The following PCDH9 variants were observed in gnomAD, a reference collection of about 807,000 sequenced individuals.
The protein encoded by PCDH9 is protocadherin-9.
A neutral mutation model predicts 70.6 loss-of-function variants in PCDH9; 24 were observed. The observed-to-expected ratio is 0.34, with a 90% CI of 0.25 to 0.48. PCDH9 has a LOEUF of 0.48. Among genes scored for constraint, PCDH9 ranks in the 20% least tolerant of loss-of-function variants. PCDH9 has a pLI of 0.99. For missense variants in PCDH9, 1,281 were observed against 1,503.6 expected (o/e 0.85, Z 2.45); for synonymous variants, 562 against 558.5 (o/e 1.01, Z -0.09).
intron 2 of PCDH9, among the ~76,000 whole-genome samples, chr13:67,074,768 A>T (rs947343177): frequency 6.6e-6 from 1 of 152,168 alleles, no homozygotes; most frequent in Non-Finnish European, 1.5e-5. Context: ...ATAATCTCTA[A>T]CCAAACAAGA....
intron 3 of PCDH9, among the ~76,000 whole-genome samples, chr13:66,770,556 C>A (rs796662332): frequency 3.3e-5 from 5 of 152,252 alleles, no homozygotes; most frequent in African/African-American, 1.2e-4. Flanking sequence ...GGGCCTCCTG[C>A]CCTCCAACTT....
At chr13:66,517,850 G>A (rs1245227854) in intron 4 of PCDH9, among the ~76,000 whole-genome samples, 2 of 151,838 alleles carry the variant, frequency 1.3e-5, no homozygotes, top group African/African-American at 4.8e-5. Context: ...TTTTGAAATT[G>A]GCATTATAGA....
At chr13:66,882,791 T>C (rs1045478451) in intron 3 of PCDH9, among the ~76,000 whole-genome samples, 1 of 152,156 alleles carries the variant, frequency 6.6e-6, no homozygotes, top group African/African-American at 2.4e-5. Flanking sequence ...TTTACAAATA[T>C]ATAAATCTCA....
At chr13:66,607,680 T>C (rs1209653202) in intron 4 of PCDH9, among the ~76,000 whole-genome samples, 1 of 152,136 alleles carries the variant, frequency 6.6e-6, no homozygotes, top group Non-Finnish European at 1.5e-5. Context: ...TTGATTGTAT[T>C]GGTTACAGAA....
intron 2 of PCDH9, among the ~76,000 whole-genome samples, chr13:67,045,849 C>T (rs1227783535): frequency 6.6e-6 from 1 of 151,958 alleles, no homozygotes; most frequent in African/African-American, 2.4e-5. Context: ...ATTTTTGTTC[C>T]TTGATTATTT....
At chr13:66,377,425 G>A (rs765944652) in intron 4 of PCDH9, among the ~76,000 whole-genome samples, 22 of 151,990 alleles carry the variant, frequency 1.4e-4, no homozygotes, top group Non-Finnish European at 2.5e-4. Context: ...TGGTAGGAAT[G>A]TTTTGGGATA....
Position 67,033,035 on chromosome 13 carries a change from G to T in PCDH9, c.3037-129430C>A, listed in dbSNP as rs1273704713. On this transcript the variant is annotated intron_variant, in intron 2 of 4. Transcript: ENST00000377865. ...CATAATTTAAAAAATTAGGTTTGGG[G>T]GAAATACAAGCTGCAGTTACTTCCC... Among the ~76,000 whole-genome samples the T allele has an allele frequency of 2.0e-5, 3 of 151,848 alleles. No individual in the cohort carries two copies. In the East Asian group the frequency reaches 5.8e-4, roughly 29 times the overall value.
intron 3 of PCDH9, among the ~76,000 whole-genome samples, chr13:66,685,979 GA>G (rs2078395613): frequency 6.6e-6 from 1 of 152,196 alleles, no homozygotes; most frequent in South Asian, 2.1e-4. Flanking sequence ...CCTTGTCTCA[GA>G]TTAGACCTTG....
At chr13:66,349,340 G>A (rs749516006) in intron 4 of PCDH9, among the ~76,000 whole-genome samples, 16 of 152,116 alleles carry the variant, frequency 1.1e-4, no homozygotes, top group African/African-American at 2.9e-4. Context: ...CTTCTGTCTC[G>A]GTTTCTATTA....
chr13:66,909,799 A>G (rs1170826239), intron 2 of PCDH9, among the ~76,000 whole-genome samples: 1 of 152,166 alleles, frequency 6.6e-6, no homozygotes, highest in East Asian at 1.9e-4. Flanking sequence ...TTGTCACAGT[A>G]ATATATTAAC....
chr13:66,977,847 A>G (rs1490851102), intron 2 of PCDH9, among the ~76,000 whole-genome samples: 1 of 152,164 alleles, frequency 6.6e-6, no homozygotes, highest in African/African-American at 2.4e-5. Flanking sequence ...GAAATGCTCT[A>G]TCCCACCAGA....
At chr13:66,994,113 A>G (rs2084058409) in intron 2 of PCDH9, among the ~76,000 whole-genome samples, 2 of 152,198 alleles carry the variant, frequency 1.3e-5, no homozygotes, top group African/African-American at 4.8e-5. Context: ...AGGATTTCGG[A>G]GTTATCAGAG....
intron 3 of PCDH9, among the ~76,000 whole-genome samples, chr13:66,681,163 C>T (rs960071913): frequency 1.6e-4 from 24 of 151,948 alleles, no homozygotes; most frequent in African/African-American, 4.6e-4. Context: ...ATCACTTTAC[C>T]CCCCACAATA....
chr13:67,038,019 T>C (rs184969451), intron 2 of PCDH9, among the ~76,000 whole-genome samples: 2 of 152,160 alleles, frequency 1.3e-5, no homozygotes, highest in African/African-American at 4.8e-5. Flanking sequence ...GAAAAGATCA[T>C]TGAAATGAAA....
At chr13:67,074,042 A>G (rs2085823331) in intron 2 of PCDH9, among the ~76,000 whole-genome samples, 3 of 148,278 alleles carry the variant, frequency 2.0e-5, no homozygotes, top group Non-Finnish European at 3.0e-5. Flanking sequence ...CTATCTATCT[A>G]TCTATCTATC....
chr13:67,177,524 T>A (rs937565130), intron 2 of PCDH9, among the ~76,000 whole-genome samples: 20 of 152,114 alleles, frequency 1.3e-4, no homozygotes, highest in Non-Finnish European at 2.4e-4. Flanking sequence ...CCTTTGTTGA[T>A]CTCTTTGATA....
intron 2 of PCDH9, among the ~76,000 whole-genome samples, chr13:66,942,384 A>G (rs2083019862): frequency 6.6e-6 from 1 of 151,946 alleles, no homozygotes; most frequent in East Asian, 1.9e-4. Flanking sequence ...TCTTTGATGA[A>G]TAGATGAATT....
At chr13:66,872,631 C>A (rs1169364480) in intron 3 of PCDH9, among the ~76,000 whole-genome samples, 3 of 152,020 alleles carry the variant, frequency 2.0e-5, no homozygotes, top group South Asian at 4.1e-4. Context: ...TATTTCATAT[C>A]TTTCATATTA....
intron 2 of PCDH9, among the ~76,000 whole-genome samples, chr13:67,059,228 C>CTACGGTGTGCTAGCATTA (rs2085483093): frequency 6.6e-6 from 1 of 151,392 alleles, no homozygotes; most frequent in East Asian, 1.9e-4. Context: ...CATCAGCTCC[C>CTACGGTGTGCTAGCATTA]TACGGTGTGC....
Sources: gnomAD v4.1 joint callset for allele counts (sites outside exome capture counted in the v4.1 genomes callset) on GRCh38, gnomAD v4.1.1 for gene constraint, MANE v1.5 for transcripts, NCBI Gene and HGNC (gene_info 2026-07-23, HGNC 2026-07-21) for gene names.